ANO10: variants seen among roughly 807,000 people sequenced by gnomAD.
ANO10 encodes the protein anoctamin-10.
In ANO10, 77 loss-of-function variants were observed where a neutral mutation model predicts 74.7. The observed-to-expected ratio is 1.03, with a 90% CI of 0.86 to 1.25. The LOEUF is 1.25. Ranked by LOEUF, ANO10 falls within the 50% of genes most tolerant of loss-of-function variation. ANO10 has a pLI of 0.00. For missense variants in ANO10, 721 were observed against 778.1 expected (o/e 0.93, Z 0.87); for synonymous variants, 279 against 284.9 (o/e 0.98, Z 0.21).
At chr3:43,421,899 T>C (rs757980771) in intron 12 of ANO10, among the ~76,000 whole-genome samples, 1 of 152,182 alleles carries the variant, frequency 6.6e-6, no homozygotes, top group Non-Finnish European at 1.5e-5. Flanking sequence ...TACCTCCCTC[T>C]TCATAACTTT....
chr3:43,632,657 C>G (rs1057509659), intron 1 of ANO10, among the ~76,000 whole-genome samples: 13 of 152,220 alleles, frequency 8.5e-5, no homozygotes, highest in African/African-American at 2.9e-4. Context: ...GTGACTGATG[C>G]ATTGGACATG....
At chr3:43,571,109 G>T (rs2080686715) in intron 7 of ANO10, among the ~76,000 whole-genome samples, 1 of 151,202 alleles carries the variant, frequency 6.6e-6, no homozygotes, top group African/African-American at 2.4e-5. Flanking sequence ...GGCCATCAGA[G>T]AAATGCAAAT....
intron 4 of ANO10, among the ~76,000 whole-genome samples, chr3:43,581,327 T>C (rs1426371321): frequency 6.6e-6 from 1 of 152,238 alleles, no homozygotes; most frequent in Non-Finnish European, 1.5e-5. Flanking sequence ...TTCCTACTTT[T>C]AGCAGTCATT....
intron 1 of ANO10, among the ~76,000 whole-genome samples, chr3:43,662,690 T>TA (rs2083940390): frequency 6.6e-6 from 1 of 151,582 alleles, no homozygotes; most frequent in South Asian, 2.1e-4. Flanking sequence ...ATAGATGCAA[T>TA]AAAAAATGAT....
intron 1 of ANO10, among the ~76,000 whole-genome samples, chr3:43,640,568 G>A (rs1049759134): frequency 1.3e-5 from 2 of 152,164 alleles, no homozygotes; most frequent in African/African-American, 4.8e-5. Flanking sequence ...CATTTCTAAT[G>A]TTCCTATTTT....
At chr3:43,548,918 T>C (rs370727496) in intron 11 of ANO10, among the ~76,000 whole-genome samples, 41 of 152,314 alleles carry the variant, frequency 2.7e-4, no homozygotes, top group South Asian at 2.5e-3. Context: ...CATGTGAAAT[T>C]ATCTATCGTC....
chr3:43,677,560 T>C (rs2084138839), intron 1 of ANO10, among the ~76,000 whole-genome samples: 2 of 152,198 alleles, frequency 1.3e-5, no homozygotes, highest in Admixed American at 1.3e-4. Flanking sequence ...CATCACCATT[T>C]TATTTTCTCA....
chr3:43,371,255 T>C (rs1008625025), intron 12 of ANO10, among the ~76,000 whole-genome samples: 4 of 152,152 alleles, frequency 2.6e-5, no homozygotes, highest in African/African-American at 7.2e-5. Context: ...CATCAGTTAC[T>C]GTTCACTAGT....
At chr3:43,477,628 G>C in intron 11 of ANO10, among the ~76,000 whole-genome samples, 1 of 152,136 alleles carries the variant, frequency 6.6e-6, no homozygotes, top group Non-Finnish European at 1.5e-5. Context: ...CTGTACTTGT[G>C]GTAAGCTCAG....
chr3:43,395,317 T>C (rs998300853), intron 12 of ANO10, among the ~76,000 whole-genome samples: 5 of 152,212 alleles, frequency 3.3e-5, no homozygotes, highest in Non-Finnish European at 5.9e-5. Context: ...GGATCATACG[T>C]TTATGGATCA....
chr3:43,499,172 G>C (rs921418323), intron 11 of ANO10, among the ~76,000 whole-genome samples: 1 of 152,122 alleles, frequency 6.6e-6, no homozygotes, highest in African/African-American at 2.4e-5. Flanking sequence ...AATGGCACAG[G>C]CAAATGCAGA....
At chr3:43,476,404 G>A (rs574168917) in intron 11 of ANO10, among the ~76,000 whole-genome samples, 1 of 152,096 alleles carries the variant, frequency 6.6e-6, no homozygotes, top group South Asian at 2.1e-4. Flanking sequence ...CAATTAGTGG[G>A]GTCTGTAGTG....
At chr3:43,632,094 T>G (rs943284295) in intron 1 of ANO10, among the ~76,000 whole-genome samples, 1 of 151,472 alleles carries the variant, frequency 6.6e-6, no homozygotes, top group African/African-American at 2.4e-5. Context: ...AAAAAGAAAG[T>G]AAGTTACAAA....
chr3:43,489,160 G>C (rs1005303400), intron 11 of ANO10, among the ~76,000 whole-genome samples: 9 of 135,562 alleles, frequency 6.6e-5, no homozygotes, highest in South Asian at 5.0e-4. Context: ...TCACACTCTG[G>C]GGACTGTTGT....
At chr3:43,435,140 G>C (rs1043935063) in intron 11 of ANO10, among the ~76,000 whole-genome samples, 1 of 152,228 alleles carries the variant, frequency 6.6e-6, no homozygotes, top group African/African-American at 2.4e-5. Flanking sequence ...CATTTGCCCA[G>C]TAAACAGACA....
intron 12 of ANO10, among the ~76,000 whole-genome samples, chr3:43,376,328 T>C (rs2091805902): frequency 6.6e-6 from 1 of 152,176 alleles, no homozygotes; most frequent in South Asian, 2.1e-4. Flanking sequence ...GATATGAGCA[T>C]GGAGAACAGT....
At chr3:43,375,143 A>T (rs1413339319) in intron 12 of ANO10, among the ~76,000 whole-genome samples, 7 of 148,912 alleles carry the variant, frequency 4.7e-5, no homozygotes, top group Non-Finnish European at 7.4e-5. Flanking sequence ...AACAACAAAA[A>T]ACTTTAAGAA....
intron 1 of ANO10, chr3:43,690,293 A>T (rs890942840): frequency 9.2e-5 from 14 of 151,932 alleles, no homozygotes; most frequent in African/African-American, 3.4e-4. Flanking sequence ...GACCTCAGAA[A>T]ATCCGCCCGC....
At chr3:43,473,651 C>T (rs2075954511) in intron 11 of ANO10, among the ~76,000 whole-genome samples, 1 of 152,220 alleles carries the variant, frequency 6.6e-6, no homozygotes, top group African/African-American at 2.4e-5. Flanking sequence ...GTTGATTTAA[C>T]TGAAGGTTTC....
Sources: gnomAD v4.1 joint callset for allele counts (sites outside exome capture counted in the v4.1 genomes callset) on GRCh38, gnomAD v4.1.1 for gene constraint, MANE v1.5 for transcripts, NCBI Gene and HGNC (gene_info 2026-07-23, HGNC 2026-07-21) for gene names.